MALRD1: variants seen among roughly 807,000 people sequenced by gnomAD.
The protein encoded by MALRD1 is MAM and LDL receptor class A domain containing 1, also known as MAM and LDL-receptor class A domain-containing protein 1.
A neutral mutation model predicts 242.1 loss-of-function variants in MALRD1; 247 were observed. That is an observed-to-expected ratio of 1.02 (90% CI 0.92 to 1.13). The LOEUF is 1.13. Among genes scored for constraint, MALRD1 ranks in the 50% most tolerant of loss-of-function variants. MALRD1 has a pLI of 0.00. For missense variants in MALRD1, 2,989 were observed against 2,533.1 expected (o/e 1.18, Z -3.86); for synonymous variants, 995 against 866.6 (o/e 1.15, Z -2.60).
At chr10:19,317,734 G>A (rs1472052402) in intron 21 of MALRD1, among the ~76,000 whole-genome samples, 1 of 151,932 alleles carries the variant, frequency 6.6e-6, no homozygotes, top group East Asian at 1.9e-4. Context: ...TCTCAACAAA[G>A]GAAAACATAG....
intron 33 of MALRD1, among the ~76,000 whole-genome samples, chr10:19,575,495 A>G (rs1589256550): frequency 6.6e-6 from 1 of 151,846 alleles, no homozygotes; most frequent in Non-Finnish European, 1.5e-5. Flanking sequence ...ACACACACAC[A>G]CACACACACA....
intron 28 of MALRD1, among the ~76,000 whole-genome samples, chr10:19,448,530 A>G (rs1440597475): frequency 6.6e-6 from 1 of 152,144 alleles, no homozygotes; most frequent in Non-Finnish European, 1.5e-5. Flanking sequence ...AGAATAGTGT[A>G]TACAATCTCA....
chr10:19,413,913 TGCACTCCA>T (rs969629947), intron 28 of MALRD1, among the ~76,000 whole-genome samples: 6 of 150,652 alleles, frequency 4.0e-5, no homozygotes, highest in African/African-American at 1.5e-4. Context: ...ATCGCACTAC[TGCACTCCA>T]GCCTGGGTGA....
chr10:19,675,691 A>T (rs1842109001), intron 36 of MALRD1, among the ~76,000 whole-genome samples: 1 of 152,264 alleles, frequency 6.6e-6, no homozygotes, highest in South Asian at 2.1e-4. Flanking sequence ...TAACCGTAAC[A>T]TGTTGTCCAA....
At chr10:19,696,627 C>G (rs938521588) in intron 38 of MALRD1, among the ~76,000 whole-genome samples, 1 of 151,974 alleles carries the variant, frequency 6.6e-6, no homozygotes, top group African/African-American at 2.4e-5. Context: ...CTATCTTGGT[C>G]CAGGCACAGT....
chr10:19,241,231 T>A (rs1838757224), intron 18 of MALRD1, among the ~76,000 whole-genome samples: 1 of 152,064 alleles, frequency 6.6e-6, no homozygotes, highest in Non-Finnish European at 1.5e-5. Flanking sequence ...GGAAGATGTT[T>A]TATTATTGAT....
chr10:19,381,457 GT>G (rs1279458269), intron 26 of MALRD1, among the ~76,000 whole-genome samples: 1 of 152,048 alleles, frequency 6.6e-6, no homozygotes, highest in African/African-American at 2.4e-5. Context: ...TTAGCCAAAT[GT>G]CTTGTCTCTA....
intron 34 of MALRD1, 107 bp from the exon 35 acceptor site, chr10:19,607,670 T>C: frequency 7.5e-7 from 1 of 1,329,560 alleles, no homozygotes; most frequent in Admixed American, 2.9e-5. Flanking sequence ...CTAGAAAAAA[T>C]CAAGAGTAAT....
At chr10:19,702,342 C>T (rs1329219261) in intron 38 of MALRD1, among the ~76,000 whole-genome samples, 4 of 152,114 alleles carry the variant, frequency 2.6e-5, no homozygotes, top group South Asian at 2.1e-4. Flanking sequence ...CTATTCATGC[C>T]CTCTGCCTGG....
intron 28 of MALRD1, 83 bp downstream of exon 28, chr10:19,389,692 T>G: frequency 3.6e-6 from 5 of 1,376,890 alleles, no homozygotes; most frequent in Non-Finnish European, 4.9e-6. Flanking sequence ...CAGGCTGCAG[T>G]GCAGTGGTGC....
intron 19 of MALRD1, among the ~76,000 whole-genome samples, chr10:19,276,103 A>G (rs758255777): frequency 9.2e-5 from 14 of 152,342 alleles, no homozygotes; most frequent in Non-Finnish European, 1.6e-4. Flanking sequence ...GTCTTAAACT[A>G]AAACTTTATT....
In MALRD1 at chr10:19,287,629, A is replaced by G. The variant is rs1004780345; in HGVS notation, c.3419+4448A>G. Among the ~76,000 whole-genome samples the G allele has an allele frequency of 1.2e-4, 18 of 152,060 alleles. 1 individual carries two copies. Among genetic ancestry groups the G allele is most frequent in the African/African-American group, 4.3e-4 (18 of 41,412 alleles). On this transcript the variant is annotated intron_variant, in intron 21 of 39. Transcript: ENST00000454679. The stretch of plus-strand genomic sequence containing the variant: ...AATCAATTTGCATTCCCACACACCA[A>G]GTAGGGAAAATGATTGATATTTGGT...
At chr10:19,306,251 CTATAG>C (rs1323489223) in intron 21 of MALRD1, among the ~76,000 whole-genome samples, 5 of 126,864 alleles carry the variant, frequency 3.9e-5, no homozygotes, top group Admixed American at 8.7e-5. Flanking sequence ...ATATACTATA[CTATAG>C]TATAGTATAT....
intron 24 of MALRD1, among the ~76,000 whole-genome samples, chr10:19,339,684 C>T (rs1353885282): frequency 6.6e-6 from 1 of 152,138 alleles, no homozygotes; most frequent in Admixed American, 6.6e-5. Context: ...AATTCATTGC[C>T]ATTTAAAAAC....
At chr10:19,495,060 TCC>T (rs1837652343) in intron 30 of MALRD1, among the ~76,000 whole-genome samples, 1 of 151,742 alleles carries the variant, frequency 6.6e-6, no homozygotes, top group Non-Finnish European at 1.5e-5. Flanking sequence ...CACTGCAACC[TCC>T]GTCTCCCAGG....
chr10:19,601,688 C>G lies in MALRD1; in HGVS notation c.5945-6089C>G, dbSNP rs771927195. ...TTGTGCCAAAGTTGTGAACTTATAA[C>G]ACTTATAAATTAGAGCTCTTTATTG... On this transcript the variant is annotated intron_variant, in intron 34 of 39. Coordinates refer to ENST00000454679, the MANE Select transcript of MALRD1 (RefSeq NM_001142308.3). Among the ~76,000 whole-genome samples, 3 of 151,818 alleles carry G rather than the reference C, an allele frequency of 2.0e-5. No individual in the cohort carries two copies. The East Asian group carries it at 5.8e-4, about 29-fold the overall frequency.
At chr10:19,661,455 A>G (rs560958981) in intron 36 of MALRD1, among the ~76,000 whole-genome samples, 2 of 152,338 alleles carry the variant, frequency 1.3e-5, no homozygotes, top group Admixed American at 1.3e-4. Context: ...CTATGCAGCC[A>G]TAAAAAAAGA....
At chr10:19,421,480 G>C (rs1355352456) in intron 28 of MALRD1, among the ~76,000 whole-genome samples, 3 of 152,172 alleles carry the variant, frequency 2.0e-5, no homozygotes. Flanking sequence ...AGTGAAGTAA[G>C]TATGAGGCAT....
intron 20 of MALRD1, among the ~76,000 whole-genome samples, chr10:19,282,085 C>A (rs1308316091): frequency 1.3e-5 from 2 of 151,192 alleles, no homozygotes; most frequent in African/African-American, 4.9e-5. Flanking sequence ...ATCCCTAGAA[C>A]CTATTCATCT....
Sources: gnomAD v4.1 joint callset for allele counts (sites outside exome capture counted in the v4.1 genomes callset) on GRCh38, gnomAD v4.1.1 for gene constraint, MANE v1.5 for transcripts, NCBI Gene and HGNC (gene_info 2026-07-23, HGNC 2026-07-21) for gene names.